Variants in STK32B observed in about 807,000 individuals in gnomAD.
STK32B encodes serine/threonine kinase 32B, also known as serine/threonine-protein kinase 32B.
A neutral mutation model predicts 52.6 loss-of-function variants in STK32B; 43 were observed. The ratio of observed to expected loss-of-function variants is 0.82; its 90% CI spans 0.64 to 1.05. STK32B has a LOEUF of 1.05. Among genes scored for constraint, STK32B ranks in the 50% least tolerant of loss-of-function variants. The pLI, the probability that STK32B is intolerant of heterozygous loss-of-function variation, is 0.00. For missense variants in STK32B, 621 were observed against 534.6 expected (o/e 1.16, Z -1.59); for synonymous variants, 238 against 204.3 (o/e 1.17, Z -1.41).
chr4:5,487,786 T>C (rs1719360431), intron 11 of STK32B, among the ~76,000 whole-genome samples: 1 of 152,126 alleles, frequency 6.6e-6, no homozygotes. Flanking sequence ...GATAAGCTGT[T>C]TACAGTGTGG....
At chr4:5,488,973 T>C (rs1036926344) in intron 11 of STK32B, among the ~76,000 whole-genome samples, 1 of 152,138 alleles carries the variant, frequency 6.6e-6, no homozygotes, top group African/African-American at 2.4e-5. Context: ...CAGAATGTTA[T>C]ATGTTAATTA....
intron 6 of STK32B, among the ~76,000 whole-genome samples, chr4:5,431,649 T>C (rs1435394122): frequency 6.6e-6 from 1 of 152,098 alleles, no homozygotes; most frequent in African/African-American, 2.4e-5. Context: ...TTCCTCTCCT[T>C]CTTCCTATGC....
At chr4:5,072,430 C>G (rs1264763145) in intron 1 of STK32B, among the ~76,000 whole-genome samples, 1 of 152,114 alleles carries the variant, frequency 6.6e-6, no homozygotes, top group Non-Finnish European at 1.5e-5. Context: ...TAGAGTCATG[C>G]TTGACTTTTC....
intron 3 of STK32B, among the ~76,000 whole-genome samples, chr4:5,287,712 T>C (rs1728645095): frequency 6.6e-6 from 1 of 152,130 alleles, no homozygotes. Flanking sequence ...CAAATGGTAG[T>C]ATATTAAACA....
At chr4:5,319,938 G>A (rs1322975121) in intron 3 of STK32B, among the ~76,000 whole-genome samples, 1 of 152,116 alleles carries the variant, frequency 6.6e-6, no homozygotes, top group Non-Finnish European at 1.5e-5. Context: ...GTCTTATGTG[G>A]ATGCAACTTA....
chr4:5,137,900 G>A (rs1273442536), intron 1 of STK32B, among the ~76,000 whole-genome samples: 2 of 151,408 alleles, frequency 1.3e-5, no homozygotes, highest in African/African-American at 2.5e-5. Flanking sequence ...AAGGGAAACA[G>A]CAGCATGAAG....
At chr4:5,213,768 T>C (rs1053359143) in intron 3 of STK32B, among the ~76,000 whole-genome samples, 1 of 152,202 alleles carries the variant, frequency 6.6e-6, no homozygotes, top group African/African-American at 2.4e-5. Context: ...TTTTCCCTTA[T>C]TGATTTATGG....
the STK32B span, among the ~76,000 whole-genome samples, chr4:5,022,070 T>G: frequency 6.6e-6 from 1 of 152,084 alleles, no homozygotes; most frequent in Non-Finnish European, 1.5e-5. Flanking sequence ...CACACAAGCT[T>G]GCCTGCCGAG....
At chr4:5,359,953 A>G (rs970435573) in intron 4 of STK32B, among the ~76,000 whole-genome samples, 22 of 152,196 alleles carry the variant, frequency 1.4e-4, no homozygotes, top group Admixed American at 4.6e-4. Context: ...ACATGGTTCA[A>G]TCTATGCTTT....
intron 4 of STK32B, among the ~76,000 whole-genome samples, chr4:5,349,254 A>G (rs908703602): frequency 6.6e-6 from 1 of 152,104 alleles, no homozygotes; most frequent in African/African-American, 2.4e-5. Context: ...GCACTCCATC[A>G]CTGCCACCAA....
intron 11 of STK32B, among the ~76,000 whole-genome samples, chr4:5,492,062 G>T (rs1719782001): frequency 6.6e-6 from 1 of 152,106 alleles, no homozygotes; most frequent in South Asian, 2.1e-4. Context: ...GGCAATGCGG[G>T]CTCTTTTTTG....
chr4:5,277,235 A>T (rs1258987165), intron 3 of STK32B, among the ~76,000 whole-genome samples: 1 of 152,246 alleles, frequency 6.6e-6, no homozygotes, highest in African/African-American at 2.4e-5. Flanking sequence ...ACTTTCTAGC[A>T]TTGGCTTCAA....
intron 1 of STK32B, among the ~76,000 whole-genome samples, chr4:5,122,288 A>G (rs1715079262): frequency 6.6e-6 from 1 of 151,464 alleles, no homozygotes; most frequent in African/African-American, 2.4e-5. Context: ...TCACCCATTC[A>G]CTCACCCATT....
intron 3 of STK32B, among the ~76,000 whole-genome samples, chr4:5,310,294 A>G (rs751717643): frequency 9.2e-5 from 14 of 152,222 alleles, no homozygotes; most frequent in Non-Finnish European, 1.8e-4. Context: ...TCAACTGACA[A>G]GGGGTTAATA....
chr4:5,161,886 G>A (rs56888916), intron 2 of STK32B, among the ~76,000 whole-genome samples: 8,597 of 145,832 alleles, frequency 0.059, 470 homozygotes, highest in Admixed American at 0.18. Context: ...GCCCCTGCAA[G>A]CATAACCAGC....
chr4:5,254,173 A>C (rs1726142842), intron 3 of STK32B, among the ~76,000 whole-genome samples: 1 of 152,150 alleles, frequency 6.6e-6, no homozygotes. Flanking sequence ...TAGAATTTTT[A>C]AATTTATCTA....
intron 3 of STK32B, among the ~76,000 whole-genome samples, chr4:5,224,811 TAG>T (rs768486728): frequency 5.1e-4 from 77 of 152,242 alleles, no homozygotes; most frequent in Admixed American, 2.4e-3. Flanking sequence ...TATTAACTTA[TAG>T]AGTTGATATG....
At chr4:5,384,091 GA>G (rs2109026775) in intron 4 of STK32B, among the ~76,000 whole-genome samples, 1 of 152,324 alleles carries the variant, frequency 6.6e-6, no homozygotes, top group East Asian at 1.9e-4. Context: ...CATAGCGGGG[GA>G]CAATGCTTGG....
chr4:5,417,388 T>G (rs897733941), intron 6 of STK32B, among the ~76,000 whole-genome samples: 4 of 152,208 alleles, frequency 2.6e-5, no homozygotes, highest in African/African-American at 9.6e-5. Context: ...TGTTTTTATC[T>G]TCTTGGTTAT....
Sources: allele counts gnomAD v4.1 joint callset (sites outside exome capture counted in the v4.1 genomes callset), GRCh38; gene constraint gnomAD v4.1.1; transcripts MANE v1.5; gene names NCBI Gene and HGNC (gene_info 2026-07-23, HGNC 2026-07-21).